EEFSEC: variants seen among roughly 807,000 people sequenced by gnomAD.
The protein encoded by EEFSEC is selenocysteine-specific elongation factor.
In EEFSEC, 43 loss-of-function variants were observed where a neutral mutation model predicts 42.1. The observed-to-expected ratio is 1.02, with a 90% CI of 0.80 to 1.32. EEFSEC has a LOEUF of 1.32. EEFSEC is among the 40% of genes most tolerant of loss of function. The probability of loss-of-function intolerance (pLI) is 0.00; values close to 1 mark genes in which losing one functional copy is unlikely to be tolerated. For missense variants in EEFSEC, 745 were observed against 803.6 expected, an observed-to-expected ratio of 0.93 and a Z score of 0.88; for synonymous variants, 354 against 339.1, an observed-to-expected ratio of 1.04 and a Z score of -0.48.
At chr3:128,159,974 T>C (rs2999049) in intron 1 of EEFSEC, among the ~76,000 whole-genome samples, 45,531 of 152,196 alleles carry the variant, frequency 0.3, 7,083 homozygotes, top group South Asian at 0.37. Flanking sequence ...GGAACCTTGT[T>C]TGTCTCATTC....
the EEFSEC span, among the ~76,000 whole-genome samples, chr3:128,424,485 G>T: frequency 1.3e-5 from 2 of 152,040 alleles, no homozygotes; most frequent in African/African-American, 2.4e-5. Flanking sequence ...AGGCTCTCAT[G>T]ATCCTCCTGC....
intron 1 of EEFSEC, among the ~76,000 whole-genome samples, chr3:128,232,891 C>T (rs1576566324): frequency 6.6e-6 from 1 of 152,242 alleles, no homozygotes; most frequent in South Asian, 2.1e-4. Context: ...CCATCACCCC[C>T]CGGACTCCTT....
chr3:128,258,448 T>G (rs565962929), intron 2 of EEFSEC, among the ~76,000 whole-genome samples: 2 of 152,306 alleles, frequency 1.3e-5, no homozygotes, highest in African/African-American at 4.8e-5. Context: ...TTGACCTCTC[T>G]GTGCCTCAGT....
intron 4 of EEFSEC, among the ~76,000 whole-genome samples, chr3:128,301,812 TGAG>T (rs755536704): frequency 1.3e-5 from 2 of 151,880 alleles, no homozygotes; most frequent in Non-Finnish European, 2.9e-5. Flanking sequence ...CAACATTTAA[TGAG>T]GAGGGGTAGA....
intron 1 of EEFSEC, among the ~76,000 whole-genome samples, chr3:128,235,803 A>G (rs931259405): frequency 6.6e-6 from 1 of 152,206 alleles, no homozygotes; most frequent in Non-Finnish European, 1.5e-5. Context: ...GAGTGTCCAC[A>G]TATGTGCCCC....
intron 1 of EEFSEC, among the ~76,000 whole-genome samples, chr3:128,181,877 G>C (rs1047687084): frequency 1.1e-4 from 16 of 152,268 alleles, no homozygotes; most frequent in African/African-American, 3.8e-4. Context: ...GCAATGGCAC[G>C]ATCTCAGCTC....
At chr3:128,373,876 C>T (rs376673034) in intron 6 of EEFSEC, among the ~76,000 whole-genome samples, 2 of 152,344 alleles carry the variant, frequency 1.3e-5, no homozygotes, top group Non-Finnish European at 2.9e-5. Context: ...GGGAAAAAGT[C>T]ACCCACAGTC....
chr3:128,180,267 T>A (rs1211560097), intron 1 of EEFSEC, among the ~76,000 whole-genome samples: 1 of 152,256 alleles, frequency 6.6e-6, no homozygotes, highest in Non-Finnish European at 1.5e-5. Context: ...TAACCTCTCA[T>A]GTGCTCTGTG....
At chr3:128,201,956 A>C (rs2065648133) in intron 1 of EEFSEC, among the ~76,000 whole-genome samples, 2 of 152,102 alleles carry the variant, frequency 1.3e-5, no homozygotes, top group African/African-American at 4.8e-5. Context: ...TTTCTTGAAA[A>C]GTTTTTTAGA....
intron 4 of EEFSEC, among the ~76,000 whole-genome samples, chr3:128,326,177 G>C (rs1223305194): frequency 6.6e-6 from 1 of 152,242 alleles, no homozygotes; most frequent in Admixed American, 6.5e-5. Context: ...GCACCTCAGA[G>C]TTAGGGCTGG....
rs1944308276 is a variant in EEFSEC at position 128,153,825 on chromosome 3, TGAGCGCGGGCCG to T, written c.316+4_316+15del. Reference sequence around the variant, plus strand: ...CCCTCATCCGGACCATCATCGGCGGTGAGCGCGGGCCGGGGCGGGAGCCGGGCTCAGGGACGC... The same window carrying T: ...CCCTCATCCGGACCATCATCGGCGGTGGGCGGGAGCCGGGCTCAGGGACGC... On this transcript the variant is annotated splice_donor_5th_base_variant and intron_variant, in intron 1 of 6. Coordinates refer to ENST00000254730, the MANE Select transcript of EEFSEC (RefSeq NM_021937.5). 6.6e-7 allele frequency: 1 copy of T among 1,504,156 alleles called. No homozygotes were observed. The highest frequency in any genetic ancestry group is 1.2e-5 in the South Asian group (1 of 81,422). The allele number at this position is 1,504,156 out of a possible 1,614,324, so 93.2% of individuals were successfully genotyped here.
chr3:128,224,251 T>A (rs2065887667), intron 1 of EEFSEC, among the ~76,000 whole-genome samples: 1 of 152,242 alleles, frequency 6.6e-6, no homozygotes, highest in Admixed American at 6.5e-5. Context: ...TTTTTTTAGT[T>A]GGCGTTAGTG....
At chr3:128,287,240 G>A (rs921848555) in intron 4 of EEFSEC, among the ~76,000 whole-genome samples, 3 of 152,206 alleles carry the variant, frequency 2.0e-5, no homozygotes, top group African/African-American at 7.2e-5. Context: ...CCTTCCTGCT[G>A]TCAGGCTGAG....
chr3:128,352,164 TCCCC>T, intron 5 of EEFSEC, among the ~76,000 whole-genome samples: 1 of 152,124 alleles, frequency 6.6e-6, no homozygotes. Context: ...AAAGCCATGT[TCCCC>T]CATCCTCACC....
chr3:128,198,324 A>G (rs1050964731), intron 1 of EEFSEC, among the ~76,000 whole-genome samples: 2 of 152,220 alleles, frequency 1.3e-5, no homozygotes, highest in African/African-American at 4.8e-5. Flanking sequence ...TAATAAGTTT[A>G]CATCTTACAG....
chr3:128,279,263 G>A (rs1203795862), intron 4 of EEFSEC, among the ~76,000 whole-genome samples: 1 of 152,220 alleles, frequency 6.6e-6, no homozygotes, highest in Non-Finnish European at 1.5e-5. Context: ...AACCCTTCCA[G>A]TGCTGAACTA....
intron 5 of EEFSEC, among the ~76,000 whole-genome samples, chr3:128,357,811 G>A (rs1308525313): frequency 7.1e-6 from 1 of 141,684 alleles, no homozygotes; most frequent in African/African-American, 2.9e-5. Context: ...AGGGGTGGGG[G>A]GGGCCTGCAA....
chr3:128,313,226 T>C (rs1261506958), intron 4 of EEFSEC, among the ~76,000 whole-genome samples: 1 of 152,138 alleles, frequency 6.6e-6, no homozygotes, highest in Non-Finnish European at 1.5e-5. Flanking sequence ...GAAATTGATG[T>C]CTCCTGCCAA....
chr3:128,313,804 G>T (rs2066915709), intron 4 of EEFSEC, among the ~76,000 whole-genome samples: 1 of 152,212 alleles, frequency 6.6e-6, no homozygotes, highest in African/African-American at 2.4e-5. Context: ...ACTGGCAGAT[G>T]GTTAAAAAGG....
Sources: allele counts gnomAD v4.1 joint callset (sites outside exome capture counted in the v4.1 genomes callset), GRCh38; gene constraint gnomAD v4.1.1; transcripts MANE v1.5; gene names NCBI Gene and HGNC (gene_info 2026-07-23, HGNC 2026-07-21).